The following RD3 variants were observed in gnomAD, a reference collection of about 807,000 sequenced individuals.
The protein encoded by RD3 is protein RD3.
Under a neutral mutation model 16.9 loss-of-function variants are expected in RD3, and 11 were observed. That is an observed-to-expected ratio of 0.65 (90% CI 0.41 to 1.08). The LOEUF is 1.08. Among genes scored for constraint, RD3 ranks in the 50% least tolerant of loss-of-function variants. The pLI is 0.00. For missense variants in RD3, 274 were observed against 267.4 expected, an observed-to-expected ratio of 1.02 and a Z score of -0.17; for synonymous variants, 116 against 114.8, an observed-to-expected ratio of 1.01 and a Z score of -0.07.
rs746116552 is a variant in RD3, at chr1:211,479,168, G to A, written c.456C>T (p.Thr152=). Residue 152 remains threonine, a synonymous_variant, in exon 3 of 3, where the codon ACC becomes ACT. Transcript: ENST00000680073. The stretch of plus-strand genomic sequence containing the variant: ...GCGAGATGCGCGCGCGGGTCTTGAA[G>A]GTGGCCAGGCTGCCGCGGGGCCGCA... ...WSLRPRGSLA[T]FKTRARISPF... 1 of 1,612,966 alleles carries A rather than the reference G, an allele frequency of 6.2e-7. No homozygotes were observed. Among genetic ancestry groups the A allele is most frequent in the South Asian group, 1.1e-5 (1 of 90,928 alleles).
rs139599545 is a variant in RD3 at position 211,478,217 on chromosome 1, G to A, written c.*819C>T. On this transcript the variant is annotated 3_prime_UTR_variant, in exon 3 of 3. Transcript: ENST00000680073. ...ACAGCCCATGCGATGACATTGTGGC[G>A]TGGGGTAATGAGTAACCTACCTCCA... 300 of 398,596 alleles carry A rather than the reference G, an allele frequency of 7.5e-4. 1 individual carries two copies. Among genetic ancestry groups the A allele is most frequent in the African/African-American group, 4.7e-3 (227 of 48,742 alleles). 24.7% of individuals were successfully genotyped at this position (398,596 alleles called of 1,614,324 possible). A position where few individuals can be genotyped will look rare whatever the true frequency, so the allele number is the denominator to read the frequency against.
intron 1 of RD3, 65 bp from the exon 2 acceptor site, chr1:211,481,491 G>C: frequency 2.0e-6 from 3 of 1,490,140 alleles, no homozygotes; most frequent in Non-Finnish European, 2.8e-6. Context: ...GGGGAACCTG[G>C]GAACCCAAGG....
chr1:211,477,966 T>C lies in RD3; in HGVS notation c.*1070A>G. On this transcript the variant is annotated 3_prime_UTR_variant, in exon 3 of 3. Transcript: ENST00000680073. ...GCCCATCATCAAGGCCTAACCATGTTAGAAAAGGGAAGGACAATGAAGCTG... is the reference window on the plus strand; with the variant it reads ...GCCCATCATCAAGGCCTAACCATGTCAGAAAAGGGAAGGACAATGAAGCTG... 2.5e-6 allele frequency: 1 copy of C among 396,372 alleles called. No homozygotes were observed. The highest frequency in any genetic ancestry group is 4.4e-6 in the Non-Finnish European group (1 of 225,176). The allele number at this position is 396,372 out of a possible 1,614,324, so 24.6% of individuals were successfully genotyped here.
chr1:211,482,882 T>C (rs1705304325), intron 1 of RD3, among the ~76,000 whole-genome samples: 1 of 151,802 alleles, frequency 6.6e-6, no homozygotes. Flanking sequence ...CATTTCTGCT[T>C]AGACCCTCCA....
intron 1 of RD3, among the ~76,000 whole-genome samples, chr1:211,482,238 G>A (rs1350657590): frequency 1.3e-5 from 2 of 151,624 alleles, no homozygotes; most frequent in South Asian, 2.1e-4. Flanking sequence ...AAAACTGTAT[G>A]GATTAACATT....
chr1:211,481,022 G>C, intron 2 of RD3, 98 bp downstream of exon 2: 2 of 1,269,448 alleles, frequency 1.6e-6, no homozygotes, highest in Non-Finnish European at 2.3e-6. Context: ...GGTCATCCAG[G>C]CTCCCTGACT....
chr1:211,479,214 T>C lies in RD3; in HGVS notation c.410A>G (p.Lys137Arg). Residue 137 changes from lysine to arginine, a missense_variant, in exon 3 of 3, where the codon AAG becomes AGG. By Grantham distance (26) the Lys-to-Arg change is conservative. Transcript: ENST00000680073. ...CCGCAGGCTCCACTGGCGCGTCAGC[T>C]TGTGGGCCTCCTCTTCCTGCTTCAT... is the stretch of plus-strand genomic sequence containing the variant. Reference protein sequence around the residue: ...ERMKQEEEAHKLTRQWSLRPR... With the variant: ...ERMKQEEEAHRLTRQWSLRPR... 2 of 1,611,158 alleles carry C rather than the reference T, an allele frequency of 1.2e-6. No individual in the cohort carries two copies. Among genetic ancestry groups the C allele is most frequent in the Admixed American group, 1.7e-5 (1 of 59,702 alleles).
intron 1 of RD3, 29 bp from the exon 2 acceptor site, chr1:211,481,455 T>C (rs1705263526): frequency 6.2e-7 from 1 of 1,604,980 alleles, no homozygotes; most frequent in Non-Finnish European, 8.5e-7. Context: ...TGTGCATCTT[T>C]CCTGGGCCCC....
chr1:211,484,361 AC>A (rs1481300139), intron 1 of RD3, among the ~76,000 whole-genome samples: 1 of 152,202 alleles, frequency 6.6e-6, no homozygotes, highest in Non-Finnish European at 1.5e-5. Context: ...CACAGACCTG[AC>A]CTGACCTGAT....
Position 211,479,264 on chromosome 1 carries a change from C to T in RD3, c.360G>A (p.Ser120=), listed in dbSNP as rs752609979. Residue 120 remains serine, a synonymous_variant, in exon 3 of 3, where the codon TCG becomes TCA. Coordinates refer to ENST00000680073, the MANE Select transcript of RD3 (RefSeq NM_001164688.2). Reference sequence around the variant, plus strand: ...TCCTCTCCAGGACCTCCTGCAGCACCGAGCGGAAGAGCTGGGACACCTCCT... The same window carrying T: ...TCCTCTCCAGGACCTCCTGCAGCACTGAGCGGAAGAGCTGGGACACCTCCT... ...EVQEVSQLFR[S]VLQEVLERMK... 1.7e-5 allele frequency: 28 copies of T among 1,606,362 alleles called. No individual in the cohort carries two copies. The South Asian group carries it at 2.1e-4, about 12-fold the overall frequency.
intron 1 of RD3, among the ~76,000 whole-genome samples, chr1:211,488,765 T>C (rs1436499271): frequency 6.6e-6 from 1 of 152,176 alleles, no homozygotes; most frequent in South Asian, 2.1e-4. Flanking sequence ...ACAGAGTTGC[T>C]GCTGTCCATT....
At position 211,486,150 on chromosome 1, in the gene RD3, C is replaced by CAAA. The variant is rs111329963; in HGVS notation, c.-11-4727_-11-4725dup. On this transcript the variant is annotated intron_variant, in intron 1 of 2. Coordinates refer to ENST00000680073, the MANE Select transcript of RD3 (RefSeq NM_001164688.2). ...TGGGTGACAGAGTGAGACCCCATCT[C>CAAA]AAAAAAAAAAAAAAGGAGATACCCT... Among the ~76,000 whole-genome samples, 471 of 109,134 alleles carry CAAA rather than the reference C, an allele frequency of 4.3e-3. 2 individuals carry two copies. Among genetic ancestry groups the CAAA allele is most frequent in the East Asian group, 0.019 (81 of 4,154 alleles). 71.6% of individuals were successfully genotyped at this position (109,134 alleles called of 152,430 possible). A position where few individuals can be genotyped will look rare whatever the true frequency, so the allele number is the denominator to read the frequency against.
intron 1 of RD3, among the ~76,000 whole-genome samples, chr1:211,485,063 G>C (rs1572143996): frequency 6.6e-6 from 1 of 152,264 alleles, no homozygotes; most frequent in Non-Finnish European, 1.5e-5. Flanking sequence ...TCAAGGCAGA[G>C]TAAGGCCAGA....
At chr1:211,488,115 C>T (rs569909056) in intron 1 of RD3, among the ~76,000 whole-genome samples, 81 of 152,320 alleles carry the variant, frequency 5.3e-4, no homozygotes, top group Non-Finnish European at 1.1e-3. Flanking sequence ...CCAGCTCAGC[C>T]CACTCCACAG....
chr1:211,479,484 C>G (rs1483217110), intron 2 of RD3, among the ~76,000 whole-genome samples, 157 bp from the exon 3 acceptor site: 1 of 152,254 alleles, frequency 6.6e-6, no homozygotes, highest in Non-Finnish European at 1.5e-5. Context: ...CACGCTGCTA[C>G]TGCTTCAACC....
intron 1 of RD3, among the ~76,000 whole-genome samples, chr1:211,487,249 G>A (rs1006683710): frequency 1.3e-5 from 2 of 152,060 alleles, no homozygotes; most frequent in Non-Finnish European, 2.9e-5. Context: ...TCCCTGCCCC[G>A]TTCATTCTCC....
rs181244176 is a variant in RD3, at chr1:211,481,914, G to A, written c.-11-488C>T. Among the ~76,000 whole-genome samples, 148 of 152,196 alleles carry A rather than the reference G, an allele frequency of 9.7e-4. 1 individual carries two copies. Among genetic ancestry groups the A allele is most frequent in the African/African-American group, 3.4e-3 (143 of 41,522 alleles). ...TTCTAAATGCCTCCAGCCTATTGAC[G>A]AAAGACACTTAGAACTCTATGGGGT... On this transcript the variant is annotated intron_variant, in intron 1 of 2. Transcript: ENST00000680073.
rs1705157543 is a variant in RD3 at position 211,476,840 on chromosome 1, A to G, written c.*2196T>C. The G allele has an allele frequency of 6.6e-6, 1 of 152,170 alleles. No individual in the cohort carries two copies. The highest frequency in any genetic ancestry group is 2.4e-5 in the African/African-American group (1 of 41,424). 9.4% of individuals were successfully genotyped at this position (152,170 alleles called of 1,614,324 possible). ...ATAGGTACATGTAAGGTGATAGGGA[A>G]GGAGAAAAATAGACATTCTCTTATC... On this transcript the variant is annotated 3_prime_UTR_variant, in exon 3 of 3. Coordinates refer to ENST00000680073, the MANE Select transcript of RD3 (RefSeq NM_001164688.2).
intron 1 of RD3, among the ~76,000 whole-genome samples, chr1:211,484,898 G>A (rs1240869401): frequency 1.3e-5 from 2 of 152,334 alleles, no homozygotes; most frequent in Admixed American, 6.5e-5. Context: ...AGGGTTGCTC[G>A]CTGGCAGTGC....
Sources: gnomAD v4.1 joint callset for allele counts (sites outside exome capture counted in the v4.1 genomes callset) on GRCh38, gnomAD v4.1.1 for gene constraint, MANE v1.5 for transcripts, NCBI Gene and HGNC (gene_info 2026-07-23, HGNC 2026-07-21) for gene names.